Variants in PRRC2C observed in about 807,000 individuals in gnomAD.
The protein encoded by PRRC2C is proline rich coiled-coil 2C.
Under a neutral mutation model 317.2 loss-of-function variants are expected in PRRC2C, and 72 were observed. That is an observed-to-expected ratio of 0.23 (90% CI 0.19 to 0.28). PRRC2C has a LOEUF of 0.28. PRRC2C is among the 10% of genes least tolerant of loss of function. The pLI is 1.00. For synonymous variants in PRRC2C, 1,296 were observed against 1,205.9 expected (o/e 1.07, Z -1.55); for missense variants, 3,074 against 3,459.7 (o/e 0.89, Z 2.80).
intron 1 of PRRC2C, among the ~76,000 whole-genome samples, chr1:171,489,653 C>T (rs184361931): frequency 1.1e-3 from 164 of 152,262 alleles, no homozygotes; most frequent in Non-Finnish European, 1.1e-3. Flanking sequence ...TTTGAATGAT[C>T]TATTTAAATC....
At chr1:171,537,017 A>G (rs550392766) in intron 14 of PRRC2C, among the ~76,000 whole-genome samples, 4 of 152,168 alleles carry the variant, frequency 2.6e-5, no homozygotes, top group South Asian at 4.1e-4. Context: ...ACAGGCTGCT[A>G]TTGTGATTTT....
At chr1:171,506,687 T>TTGTGTGTGTGTG (rs34060083) in intron 1 of PRRC2C, among the ~76,000 whole-genome samples, 191 of 136,650 alleles carry the variant, frequency 1.4e-3, no homozygotes, top group African/African-American at 2.8e-3. Context: ...TTTTTTTTCT[T>TTGTGTGTGTGTG]TGTGTGTGTG....
At position 171,575,159 on chromosome 1, in the gene PRRC2C, ATCTTACATTATTTAAAATTTT is replaced by A. The variant is rs766825863; in HGVS notation, c.6955+33_6955+53del. 2,056 of 1,542,960 alleles carry A rather than the reference ATCTTACATTATTTAAAATTTT, an allele frequency of 1.3e-3. 6 individuals carry two copies. The highest frequency in any genetic ancestry group is 1.6e-3 in the Non-Finnish European group (1,836 of 1,133,748). ...ACTTTTTCGTTCTGTTTCTTTAAAT[ATCTTACATTATTTAAAATTTT>A]TTATGATCTCTTCTTGTTTACTATC... On this transcript the variant is annotated intron_variant, in intron 25 of 34. Transcript: ENST00000647382.
intron 26 of PRRC2C, among the ~76,000 whole-genome samples, chr1:171,578,428 C>T (rs1039837729): frequency 6.6e-6 from 1 of 152,068 alleles, no homozygotes; most frequent in African/African-American, 2.4e-5. Context: ...TGGCACATGC[C>T]TCTAGTTCCA....
chr1:171,556,881 A>G (rs1017950916), intron 18 of PRRC2C, among the ~76,000 whole-genome samples: 3 of 152,250 alleles, frequency 2.0e-5, no homozygotes, highest in Admixed American at 6.5e-5. Context: ...ATAACGTACC[A>G]GCCACACTGC....
intron 1 of PRRC2C, among the ~76,000 whole-genome samples, chr1:171,499,067 C>T (rs1668624834): frequency 6.6e-6 from 1 of 152,248 alleles, no homozygotes. Flanking sequence ...TCCTTGGCTT[C>T]CCAAAGTGCT....
chr1:171,591,953 C>T lies in PRRC2C; in HGVS notation c.*106C>T. 4 of 1,395,588 alleles carry T rather than the reference C, an allele frequency of 2.9e-6. No individual in the cohort carries two copies. Among genetic ancestry groups the T allele is most frequent in the African/African-American group, 1.4e-5 (1 of 69,316 alleles). The allele number at this position is 1,395,588 out of a possible 1,614,324, so 86.5% of individuals were successfully genotyped here. ...GGGCAAAATGGCCTGTGACATTATC[C>T]TGTTCAGAGCTTGGAGATGTACAAG... On this transcript the variant is annotated 3_prime_UTR_variant, in exon 35 of 35. Coordinates refer to ENST00000647382, the MANE Select transcript of PRRC2C (RefSeq NM_001387844.1).
rs372009931 is a variant in PRRC2C, at chr1:171,557,193, C to T, written c.5128-47C>T. On this transcript the variant is annotated intron_variant, in intron 18 of 34. Coordinates refer to ENST00000647382, the MANE Select transcript of PRRC2C (RefSeq NM_001387844.1). ...TAAAAGTTGCATTTATGAACTGTTGCATTCAGCTGCATTATTGACAAAAAT... is the reference window on the plus strand; with the variant it reads ...TAAAAGTTGCATTTATGAACTGTTGTATTCAGCTGCATTATTGACAAAAAT... The T allele has an allele frequency of 2.6e-5, 39 of 1,493,158 alleles. No individual in the cohort carries two copies. In the African/African-American group the frequency reaches 4.6e-4, roughly 18 times the overall value. The allele number at this position is 1,493,158 out of a possible 1,614,324, so 92.5% of individuals were successfully genotyped here.
intron 11 of PRRC2C, among the ~76,000 whole-genome samples, chr1:171,528,203 A>G (rs1675023624): frequency 6.6e-6 from 1 of 152,022 alleles, no homozygotes. Flanking sequence ...CAACTTCACA[A>G]AAACCTCTCT....
Position 171,591,875 on chromosome 1 carries a change from G to A in PRRC2C, c.*28G>A, listed in dbSNP as rs772680637. ...GCTATGGTTTATTGCAGGGGATTGG[G>A]AGGGGGGCGGGAAAACATGGAGAAT... On this transcript the variant is annotated 3_prime_UTR_variant, in exon 35 of 35. Coordinates refer to ENST00000647382, the MANE Select transcript of PRRC2C (RefSeq NM_001387844.1). The A allele has an allele frequency of 1.2e-5, 8 of 670,354 alleles. No individual in the cohort carries two copies. The highest frequency in any genetic ancestry group is 2.5e-5 in the Admixed American group (1 of 40,226). 41.5% of individuals were successfully genotyped at this position (670,354 alleles called of 1,614,324 possible). A position where few individuals can be genotyped will look rare whatever the true frequency, so the allele number is the denominator to read the frequency against.
Position 171,526,805 on chromosome 1 carries a change from C to CTTTTTTTTTTTTTTTT in PRRC2C, c.1201-980_1201-965dup, listed in dbSNP as rs938229816. On this transcript the variant is annotated intron_variant, in intron 10 of 34. Coordinates refer to ENST00000647382, the MANE Select transcript of PRRC2C (RefSeq NM_001387844.1). ...AAAATCATTACATTCAGAAATATAT[C>CTTTTTTTTTTTTTTTT]TTTTTTTTTTTTTTTTTTTTTGAGA... Among the ~76,000 whole-genome samples, 773 of 90,188 alleles carry CTTTTTTTTTTTTTTTT rather than the reference C, an allele frequency of 8.6e-3. 129 individuals carry two copies. Among genetic ancestry groups the CTTTTTTTTTTTTTTTT allele is most frequent in the African/African-American group, 0.015 (315 of 21,570 alleles). The allele number at this position is 90,188 out of a possible 152,430, so 59.2% of individuals were successfully genotyped here. A position where few individuals can be genotyped will look rare whatever the true frequency, so the allele number is the denominator to read the frequency against.
chr1:171,533,557 T>C (rs1004138981), intron 12 of PRRC2C, among the ~76,000 whole-genome samples: 1 of 152,192 alleles, frequency 6.6e-6, no homozygotes, highest in African/African-American at 2.4e-5. Context: ...CATTCAAATA[T>C]AGTATAAAGC....
At chr1:171,544,755 G>A (rs1292430910) in intron 16 of PRRC2C, among the ~76,000 whole-genome samples, 2 of 152,104 alleles carry the variant, frequency 1.3e-5, no homozygotes, top group Admixed American at 1.3e-4. Context: ...TTTTATAAGA[G>A]CACCATATAG....
At chr1:171,549,421 G>A (rs1484642313) in intron 17 of PRRC2C, among the ~76,000 whole-genome samples, 2 of 152,170 alleles carry the variant, frequency 1.3e-5, no homozygotes, top group African/African-American at 2.4e-5. Flanking sequence ...AGAATGCTTT[G>A]TAGATCTTTT....
intron 1 of PRRC2C, among the ~76,000 whole-genome samples, chr1:171,500,848 C>A (rs1049845406): frequency 2.0e-5 from 3 of 152,022 alleles, no homozygotes; most frequent in African/African-American, 7.3e-5. Flanking sequence ...AAAACTGTTA[C>A]AAGGTAATAT....
intron 23 of PRRC2C, 40 bp from the exon 24 acceptor site, chr1:171,571,280 C>A: frequency 8.2e-7 from 1 of 1,217,268 alleles, no homozygotes; most frequent in Non-Finnish European, 1.2e-6. Context: ...TCGTAGTAGA[C>A]ACATAGTTAG....
Position 171,589,485 on chromosome 1 carries a change from G to A in PRRC2C, c.8316G>A (p.Leu2772=), listed in dbSNP as rs933315130. The change falls in exon 34 of 35, where the codon CTG becomes CTA. Residue 2772 remains leucine (L), a synonymous_variant. Transcript: ENST00000647382. Reference sequence around the variant, plus strand: ...TGGCCAGTCAGATGCCTCCTCCGCTGACCACAGGCCTCATGAGCCATGCTC... The same window carrying A: ...TGGCCAGTCAGATGCCTCCTCCGCTAACCACAGGCCTCATGAGCCATGCTC... ...MALASQMPPP[L]TTGLMSHARL... 2.3e-6 allele frequency: 3 copies of A among 1,289,686 alleles called. No homozygotes were observed. Among genetic ancestry groups the A allele is most frequent in the Non-Finnish European group, 3.0e-6 (3 of 988,886 alleles). The allele number at this position is 1,289,686 out of a possible 1,614,324, so 79.9% of individuals were successfully genotyped here.
intron 11 of PRRC2C, among the ~76,000 whole-genome samples, chr1:171,531,176 T>G (rs1386741337): frequency 2.0e-5 from 3 of 152,122 alleles, no homozygotes; most frequent in Non-Finnish European, 4.4e-5. Context: ...TATACAAGGT[T>G]AGGGTTGGGG....
intron 24 of PRRC2C, 114 bp from the exon 25 acceptor site, chr1:171,574,813 G>T: frequency 1.1e-6 from 1 of 946,226 alleles, no homozygotes; most frequent in Admixed American, 2.4e-5. Flanking sequence ...ATCTTTGTGT[G>T]TGTGTGGTTT....
Sources: gnomAD v4.1 joint callset for allele counts (sites outside exome capture counted in the v4.1 genomes callset) on GRCh38, gnomAD v4.1.1 for gene constraint, MANE v1.5 for transcripts, NCBI Gene and HGNC (gene_info 2026-07-23, HGNC 2026-07-21) for gene names.